RSRP1: variants seen among roughly 807,000 people sequenced by gnomAD.
RSRP1 encodes the protein arginine and serine rich protein 1.
Under a neutral mutation model 33.0 loss-of-function variants are expected in RSRP1, and 37 were observed. That is an observed-to-expected ratio of 1.12 (90% CI 0.86 to 1.48). The LOEUF is 1.48. RSRP1 is among the 40% of genes most tolerant of loss of function. The probability of loss-of-function intolerance (pLI) is 0.00; values close to 1 mark genes in which losing one functional copy is unlikely to be tolerated. For missense variants in RSRP1, 402 were observed against 385.3 expected (o/e 1.04, Z -0.36); for synonymous variants, 167 against 158.7 (o/e 1.05, Z -0.40).
chr1:25,294,045 A>C (rs1642732474), intron 1 of RSRP1: 1 of 628,240 alleles, frequency 1.6e-6, no homozygotes, highest in Non-Finnish European at 3.0e-6. Flanking sequence ...TGATTAAGAG[A>C]AGAAGGCTGT....
At chr1:25,311,290 T>C in intron 1 of RSRP1, among the ~76,000 whole-genome samples, 1 of 130,794 alleles carries the variant, frequency 7.6e-6, no homozygotes, top group East Asian at 2.0e-4. Context: ...GTCAGCCATG[T>C]TGTAGGGAAT....
At chr1:25,306,879 T>C in intron 1 of RSRP1, 2 of 849,706 alleles carry the variant, frequency 2.4e-6, no homozygotes, top group Non-Finnish European at 3.9e-6. Flanking sequence ...TATTCAGAAA[T>C]TCTGTCCAGC....
intron 1 of RSRP1, among the ~76,000 whole-genome samples, chr1:25,278,218 G>A (rs1210606041): frequency 7.7e-6 from 1 of 129,972 alleles, no homozygotes; most frequent in African/African-American, 2.6e-5. Flanking sequence ...AAGGCTGGCT[G>A]CAGATGTATG....
chr1:25,302,181 G>A lies in RSRP1; in HGVS notation c.-67+35797C>T, dbSNP rs191416910. Among the ~76,000 whole-genome samples, 39 of 131,774 alleles carry A rather than the reference G, an allele frequency of 3.0e-4. 13 individuals carry two copies. Among genetic ancestry groups the A allele is most frequent in the Non-Finnish European group, 6.6e-4 (37 of 55,802 alleles). 86.4% of individuals were successfully genotyped at this position (131,774 alleles called of 152,430 possible). A position where few individuals can be genotyped will look rare whatever the true frequency, so the allele number is the denominator to read the frequency against. On this transcript the variant is annotated intron_variant, in intron 1 of 1. Coordinates refer to the RSRP1 transcript ENST00000561867. ...TGTAAAGTGGGAATTAAGAGATGGTGCATGTAAAGTGCTTAACGGGGAGTA... is the reference window on the plus strand; with the variant it reads ...TGTAAAGTGGGAATTAAGAGATGGTACATGTAAAGTGCTTAACGGGGAGTA...
intron 1 of RSRP1, among the ~76,000 whole-genome samples, chr1:25,288,174 C>T (rs1295497708): frequency 7.6e-6 from 1 of 131,390 alleles, no homozygotes. Context: ...CACACCACCA[C>T]GCCTAGCTGA....
intron 1 of RSRP1, among the ~76,000 whole-genome samples, chr1:25,291,419 A>G (rs1484488154): frequency 7.6e-6 from 1 of 132,202 alleles, no homozygotes; most frequent in Admixed American, 7.4e-5. Context: ...CAGTGAACCG[A>G]GATCGCGCCA....
intron 1 of RSRP1, among the ~76,000 whole-genome samples, chr1:25,312,456 G>C (rs1236765786): frequency 8.0e-6 from 1 of 125,242 alleles, no homozygotes; most frequent in Non-Finnish European, 1.9e-5. Context: ...TTAAGACTTT[G>C]GGGGTTGTCT....
upstream of RSRP1, among the ~76,000 whole-genome samples, chr1:25,252,296 C>G (rs573207317): frequency 6.6e-6 from 1 of 152,032 alleles, no homozygotes; most frequent in South Asian, 2.1e-4. Context: ...ACACACAGCA[C>G]TCACACATAA....
intron 1 of RSRP1, among the ~76,000 whole-genome samples, chr1:25,317,721 C>T (rs1262361830): frequency 6.7e-5 from 3 of 44,846 alleles, no homozygotes; most frequent in Non-Finnish European, 1.1e-4. Flanking sequence ...GGGAGATATG[C>T]GATGCATTTA....
rs1166506933 is a variant in RSRP1, at chr1:25,291,294, C to G, written c.-66-44265G>C. On this transcript the variant is annotated intron_variant, in intron 1 of 1. Transcript: ENST00000561867. ...GACCAGCCTGGTCAACATGGGGGAA[C>G]CTCATCTCTACTAAAAATACAAAAT... Among the ~76,000 whole-genome samples, 4 of 129,970 alleles carry G rather than the reference C, an allele frequency of 3.1e-5. 1 individual carries two copies. Among genetic ancestry groups the G allele is most frequent in the Non-Finnish European group, 7.3e-5 (4 of 54,998 alleles). The allele number at this position is 129,970 out of a possible 152,430, so 85.3% of individuals were successfully genotyped here. A position where few individuals can be genotyped will look rare whatever the true frequency, so the allele number is the denominator to read the frequency against.
At chr1:25,255,039 G>A (rs1639905464) in intron 1 of RSRP1, among the ~76,000 whole-genome samples, 1 of 152,060 alleles carries the variant, frequency 6.6e-6, no homozygotes, top group Non-Finnish European at 1.5e-5. Context: ...TCAGTCAGAA[G>A]AGCCATCTCA....
At chr1:25,298,055 T>C (rs1643093319) in intron 1 of RSRP1, among the ~76,000 whole-genome samples, 2 of 123,042 alleles carry the variant, frequency 1.6e-5, no homozygotes, top group African/African-American at 5.5e-5. Context: ...CCTCCACTTG[T>C]TCCTGCATTT....
intron 1 of RSRP1, among the ~76,000 whole-genome samples, chr1:25,287,581 G>C (rs1642143714): frequency 7.4e-6 from 1 of 135,020 alleles, no homozygotes; most frequent in Non-Finnish European, 1.8e-5. Flanking sequence ...GGACTGATTT[G>C]GTTCTGTTTT....
chr1:25,305,407 TA>T (rs1643728406), intron 1 of RSRP1, among the ~76,000 whole-genome samples: 1 of 97,462 alleles, frequency 1.0e-5, no homozygotes, highest in Non-Finnish European at 2.2e-5. Context: ...TTTATTTATT[TA>T]TTTATTGAGA....
rs527939969 is a variant in RSRP1 at position 25,275,627 on chromosome 1, A to G, written c.-66-28598T>C. 9.0e-4 allele frequency among the ~76,000 whole-genome samples: 120 copies of G among 133,188 alleles called. 15 individuals are homozygous for G. The highest frequency in any genetic ancestry group is 2.8e-3 in the African/African-American group (108 of 39,098). The allele number at this position is 133,188 out of a possible 152,430, so 87.4% of individuals were successfully genotyped here. A position where few individuals can be genotyped will look rare whatever the true frequency, so the allele number is the denominator to read the frequency against. On this transcript the variant is annotated intron_variant, in intron 1 of 1. Transcript: ENST00000561867. ...GTATTACTACATTAATATATTTTGT[A>G]TGTTACAATAAATACATACAAATTA...
At position 25,318,482 on chromosome 1, in the gene RSRP1, G is replaced by C. The variant is rs544805531; in HGVS notation, c.-67+19496C>G. 3.0e-4 allele frequency among the ~76,000 whole-genome samples: 39 copies of C among 131,040 alleles called. 6 individuals are homozygous for C. The highest frequency in any genetic ancestry group is 9.9e-4 in the African/African-American group (38 of 38,548). The allele number at this position is 131,040 out of a possible 152,430, so 86.0% of individuals were successfully genotyped here. ...GTGTGCCTGTAGTCCCAGCTACTGG[G>C]GAGGCTGAAGTAGGGGAATGGCTTG... On this transcript the variant is annotated intron_variant, in intron 1 of 1. Coordinates refer to the RSRP1 transcript ENST00000561867.
At chr1:25,311,997 G>A (rs1329430834) in intron 1 of RSRP1, among the ~76,000 whole-genome samples, 3 of 122,724 alleles carry the variant, frequency 2.4e-5, no homozygotes, top group African/African-American at 8.6e-5. Context: ...GAATGGTAGA[G>A]CTATCATAGT....
chr1:25,298,532 G>C (rs1004160808), intron 1 of RSRP1, among the ~76,000 whole-genome samples: 2 of 130,400 alleles, frequency 1.5e-5, no homozygotes, highest in Non-Finnish European at 3.6e-5. Flanking sequence ...AATATTCCAG[G>C]CCAAGAATCC....
rs369054983 is a variant in RSRP1 at position 25,321,456 on chromosome 1, T to A, written c.-67+16522A>T. Among the ~76,000 whole-genome samples, 21 of 113,100 alleles carry A rather than the reference T, an allele frequency of 1.9e-4. 2 individuals carry two copies. Among genetic ancestry groups the A allele is most frequent in the Admixed American group, 5.4e-4 (6 of 11,098 alleles). The allele number at this position is 113,100 out of a possible 152,430, so 74.2% of individuals were successfully genotyped here. ...TGGGTGGATCACCTGAGGTCGGGAG[T>A]TCGAGACCAGCCTGGCCAACATGGT... On this transcript the variant is annotated intron_variant, in intron 1 of 1. Coordinates refer to the RSRP1 transcript ENST00000561867.
Sources: allele counts gnomAD v4.1 joint callset (sites outside exome capture counted in the v4.1 genomes callset), GRCh38; gene constraint gnomAD v4.1.1; transcripts MANE v1.5; gene names NCBI Gene and HGNC (gene_info 2026-07-23, HGNC 2026-07-21).